ZBBX: variants seen among roughly 807,000 people sequenced by gnomAD.
ZBBX encodes the protein zinc finger B-box domain containing, also known as zinc finger B-box domain-containing protein 1.
A neutral mutation model predicts 108.5 loss-of-function variants in ZBBX; 101 were observed. The observed-to-expected ratio is 0.93, with a 90% CI of 0.79 to 1.10. ZBBX has a LOEUF of 1.10. Ranked by LOEUF, ZBBX falls within the 50% of genes least tolerant of loss-of-function variation. ZBBX has a pLI of 0.00. For missense variants in ZBBX, 1,009 were observed against 941.4 expected (o/e 1.07, Z -0.94); for synonymous variants, 356 against 323.4 (o/e 1.10, Z -1.08).
chr3:167,180,405 C>A, the ZBBX span, among the ~76,000 whole-genome samples: 1 of 152,188 alleles, frequency 6.6e-6, no homozygotes, highest in Non-Finnish European at 1.5e-5. Flanking sequence ...TGGTTACTTT[C>A]TGTGGCACCA....
At chr3:167,341,550 A>T (rs976348293) in intron 9 of ZBBX, among the ~76,000 whole-genome samples, 1 of 151,968 alleles carries the variant, frequency 6.6e-6, no homozygotes, top group Non-Finnish European at 1.5e-5. Flanking sequence ...TTTTCATTAC[A>T]CTACAAAATT....
At chr3:167,397,530 C>T (rs1190645253) in intron 1 of ZBBX, among the ~76,000 whole-genome samples, 1 of 151,652 alleles carries the variant, frequency 6.6e-6, no homozygotes, top group Non-Finnish European at 1.5e-5. Context: ...ATATTTCATT[C>T]CCAAATGTAA....
chr3:167,326,000 C>T (rs946108523), intron 11 of ZBBX, among the ~76,000 whole-genome samples: 8 of 152,114 alleles, frequency 5.3e-5, no homozygotes, highest in Non-Finnish European at 1.0e-4. Flanking sequence ...TGACAATATT[C>T]ATTAAAATTT....
chr3:167,230,794 G>A, the ZBBX span, among the ~76,000 whole-genome samples: 2 of 151,804 alleles, frequency 1.3e-5, no homozygotes, highest in African/African-American at 2.4e-5. Flanking sequence ...TGTAATGCAA[G>A]GCCAGTGGAG....
the ZBBX span, among the ~76,000 whole-genome samples, chr3:167,180,562 C>T: frequency 6.6e-6 from 1 of 152,160 alleles, no homozygotes; most frequent in African/African-American, 2.4e-5. Flanking sequence ...GGGGGCAGCA[C>T]AAAGTATATC....
the ZBBX span, among the ~76,000 whole-genome samples, chr3:167,223,523 C>A: frequency 6.6e-6 from 1 of 151,844 alleles, no homozygotes; most frequent in African/African-American, 2.4e-5. Flanking sequence ...TGACTTTGGG[C>A]AAATCACTTA....
At chr3:167,284,639 G>A (rs994957531) in intron 19 of ZBBX, among the ~76,000 whole-genome samples, 1 of 152,118 alleles carries the variant, frequency 6.6e-6, no homozygotes, top group Non-Finnish European at 1.5e-5. Flanking sequence ...GATTGCCACA[G>A]TATTTAAAGG....
intron 18 of ZBBX, 104 bp from the exon 19 acceptor site, chr3:167,289,087 G>T: frequency 1.8e-6 from 1 of 542,220 alleles, no homozygotes; most frequent in Non-Finnish European, 3.0e-6. Context: ...ACTGAATAAA[G>T]AATATTTACA....
rs762053057 is a variant in ZBBX, at chr3:167,242,538, T to A, written c.2360A>T (p.His787Leu). 2 of 1,613,256 alleles carry A rather than the reference T, an allele frequency of 1.2e-6. No individual in the cohort carries two copies. The highest frequency in any genetic ancestry group is 2.2e-5 in the South Asian group (2 of 90,948). The change falls in exon 21 of 22, where the codon CAT becomes CTT. Residue 787 changes from histidine (H) to leucine (L), a missense_variant. By Grantham distance (99) the His-to-Leu change is moderately conservative. Coordinates refer to ENST00000675490, the MANE Select transcript of ZBBX (RefSeq NM_001199201.2). Reference sequence around the variant, plus strand: ...CTCAACTCCACAGGGACCCCTCACATGTGAGGTCTTAAGGAAATCTGTGGA... The same window carrying A: ...CTCAACTCCACAGGGACCCCTCACAAGTGAGGTCTTAAGGAAATCTGTGGA... Reference protein sequence around the residue: ...QISTDFLKTSHVRGPCGVEEL... With the variant: ...QISTDFLKTSLVRGPCGVEEL...
chr3:167,206,949 T>C, the ZBBX span, among the ~76,000 whole-genome samples: 1 of 152,014 alleles, frequency 6.6e-6, no homozygotes, highest in Non-Finnish European at 1.5e-5. Context: ...AAGAATGAAA[T>C]GGATCCATCC....
intron 20 of ZBBX, among the ~76,000 whole-genome samples, chr3:167,266,858 C>T (rs563474770): frequency 1.1e-4 from 16 of 152,256 alleles, no homozygotes; most frequent in South Asian, 4.2e-4. Context: ...GAGGGATTTC[C>T]GGTCCTTTCC....
chr3:167,266,887 G>A (rs925777103), intron 20 of ZBBX, among the ~76,000 whole-genome samples: 5 of 152,044 alleles, frequency 3.3e-5, no homozygotes, highest in Admixed American at 6.6e-5. Context: ...GGCACGCCCC[G>A]CCACCTCATT....
chr3:167,255,143 A>AT (rs1263049015), intron 20 of ZBBX, among the ~76,000 whole-genome samples: 4 of 152,130 alleles, frequency 2.6e-5, no homozygotes, highest in African/African-American at 9.6e-5. Flanking sequence ...GGGAAAAATT[A>AT]TATGATAATT....
the ZBBX span, among the ~76,000 whole-genome samples, chr3:167,182,613 C>G: frequency 0.32 from 48,003 of 151,988 alleles, 7,995 homozygotes; most frequent in East Asian, 0.65. Context: ...AAAAGTTGGT[C>G]TGCAGTTATA....
chr3:167,325,987 G>C (rs1203416810), intron 11 of ZBBX, among the ~76,000 whole-genome samples: 1 of 152,112 alleles, frequency 6.6e-6, no homozygotes, highest in Non-Finnish European at 1.5e-5. Flanking sequence ...TTGGAGGCCA[G>C]TTTGACAATA....
the ZBBX span, among the ~76,000 whole-genome samples, chr3:167,215,248 TAA>T: frequency 0.01 from 1,532 of 151,678 alleles, 29 homozygotes; most frequent in African/African-American, 0.035. Flanking sequence ...TAATTAAAAA[TAA>T]AAGAGAGAAG....
the ZBBX span, among the ~76,000 whole-genome samples, chr3:167,219,153 C>A: frequency 1.3e-5 from 2 of 151,926 alleles, no homozygotes; most frequent in Non-Finnish European, 2.9e-5. Context: ...TAGAGCTAAA[C>A]AGAGAAATAG....
At chr3:167,384,130 G>A (rs940488732), upstream of ZBBX, among the ~76,000 whole-genome samples, 2 of 152,066 alleles carry the variant, frequency 1.3e-5, no homozygotes, top group African/African-American at 2.4e-5. Flanking sequence ...ATCTCAGTAT[G>A]TGTATAGCCG....
intron 1 of ZBBX, among the ~76,000 whole-genome samples, chr3:167,395,450 T>C (rs1486151705): frequency 6.6e-6 from 1 of 151,988 alleles, no homozygotes; most frequent in Non-Finnish European, 1.5e-5. Flanking sequence ...CCTAGTACCA[T>C]GGAAAAATTA....
Sources: allele counts gnomAD v4.1 joint callset (sites outside exome capture counted in the v4.1 genomes callset), GRCh38; gene constraint gnomAD v4.1.1; transcripts MANE v1.5; gene names NCBI Gene and HGNC (gene_info 2026-07-23, HGNC 2026-07-21).